The following CPXM2 variants were observed in gnomAD, a reference collection of about 807,000 sequenced individuals.
CPXM2 encodes inactive carboxypeptidase-like protein X2.
A neutral mutation model predicts 86.1 loss-of-function variants in CPXM2; 66 were observed. The ratio of observed to expected loss-of-function variants is 0.77; its 90% CI spans 0.63 to 0.94. The LOEUF is 0.94. Ranked by LOEUF, CPXM2 falls within the 40% of genes least tolerant of loss-of-function variation. The pLI is 0.00. For missense variants in CPXM2, 948 were observed against 1,026.3 expected (o/e 0.92, Z 1.04); for synonymous variants, 388 against 400.2 (o/e 0.97, Z 0.36).
chr10:123,818,768 G>A (rs532587515), intron 4 of CPXM2, among the ~76,000 whole-genome samples: 1 of 152,226 alleles, frequency 6.6e-6, no homozygotes, highest in East Asian at 1.9e-4. Flanking sequence ...CAGTTACAAC[G>A]CCAACTCAGT....
intron 4 of CPXM2, among the ~76,000 whole-genome samples, chr10:123,806,814 A>C (rs1250116017): frequency 1.3e-5 from 2 of 152,120 alleles, no homozygotes; most frequent in African/African-American, 4.8e-5. Context: ...CACTATCATG[A>C]GAACAGCATG....
chr10:123,895,237 C>T (rs1415845280), upstream of CPXM2, among the ~76,000 whole-genome samples: 1 of 149,460 alleles, frequency 6.7e-6, no homozygotes, highest in Non-Finnish European at 1.5e-5. Flanking sequence ...AGTTCTCCTG[C>T]CACAGCCTCC....
At chr10:123,837,426 A>G (rs1848303146) in intron 4 of CPXM2, among the ~76,000 whole-genome samples, 1 of 152,250 alleles carries the variant, frequency 6.6e-6, no homozygotes, top group Admixed American at 6.5e-5. Flanking sequence ...CATTTTGTCG[A>G]TTAAAGAGTT....
At chr10:123,831,129 C>G (rs1291016644) in intron 4 of CPXM2, among the ~76,000 whole-genome samples, 1 of 152,156 alleles carries the variant, frequency 6.6e-6, no homozygotes, top group Non-Finnish European at 1.5e-5. Context: ...GCAAAAATAT[C>G]TATCAGGCAG....
chr10:123,822,496 G>C (rs1847949030), intron 4 of CPXM2, among the ~76,000 whole-genome samples: 1 of 152,018 alleles, frequency 6.6e-6, no homozygotes, highest in African/African-American at 2.4e-5. Flanking sequence ...TTGTGATATT[G>C]TTCAAAGGAG....
intron 7 of CPXM2, among the ~76,000 whole-genome samples, chr10:123,779,601 A>G (rs1342841561): frequency 6.6e-6 from 1 of 152,204 alleles, no homozygotes. Flanking sequence ...CTCAATTATC[A>G]GTAGCTTCAC....
intron 6 of CPXM2, among the ~76,000 whole-genome samples, chr10:123,783,006 A>G (rs1846969508): frequency 6.6e-6 from 1 of 152,380 alleles, no homozygotes; most frequent in South Asian, 2.1e-4. Context: ...ATGCATTAGC[A>G]TGCTAAAGAC....
chr10:123,795,063 C>A (rs573095767), intron 6 of CPXM2, among the ~76,000 whole-genome samples: 1 of 152,174 alleles, frequency 6.6e-6, no homozygotes, highest in South Asian at 2.1e-4. Context: ...AGCCACCATG[C>A]CCTGCCAAAT....
chr10:123,888,373 C>G (rs1315106175), intron 1 of CPXM2, among the ~76,000 whole-genome samples: 1 of 152,184 alleles, frequency 6.6e-6, no homozygotes, highest in African/African-American at 2.4e-5. Flanking sequence ...GAACCCCTCA[C>G]TCCCACCTCA....
At chr10:123,816,865 T>C (rs1415060861) in intron 4 of CPXM2, among the ~76,000 whole-genome samples, 1 of 152,250 alleles carries the variant, frequency 6.6e-6, no homozygotes, top group Non-Finnish European at 1.5e-5. Context: ...ATCCATTACA[T>C]TGATGACATG....
At chr10:123,778,039 C>T (rs954625300) in intron 7 of CPXM2, among the ~76,000 whole-genome samples, 2 of 152,128 alleles carry the variant, frequency 1.3e-5, no homozygotes, top group African/African-American at 4.8e-5. Flanking sequence ...TTTCTCCTTC[C>T]TCTCCTCCTC....
chr10:123,903,060 C>T (rs1945398767), intron 2 of CPXM2, among the ~76,000 whole-genome samples: 3 of 152,348 alleles, frequency 2.0e-5, no homozygotes, highest in Non-Finnish European at 2.9e-5. Context: ...AACGCCTCCT[C>T]CTGGGGGAGC....
intron 13 of CPXM2, chr10:123,751,139 G>A (rs1385506446): frequency 2.4e-6 from 2 of 842,694 alleles, no homozygotes; most frequent in Admixed American, 6.2e-5. Flanking sequence ...CAGGTATTTT[G>A]CCTGAGCGTG....
At chr10:123,863,385 CGA>C (rs1368970724) in intron 2 of CPXM2, among the ~76,000 whole-genome samples, 1 of 152,144 alleles carries the variant, frequency 6.6e-6, no homozygotes, top group East Asian at 1.9e-4. Flanking sequence ...GGCCATGCAG[CGA>C]GAGGGGGCCA....
chr10:123,784,077 G>A (rs189441694), intron 6 of CPXM2, among the ~76,000 whole-genome samples: 2 of 152,130 alleles, frequency 1.3e-5, no homozygotes, highest in Non-Finnish European at 2.9e-5. Context: ...CCCAGTGCTT[G>A]AGAGTGTGAC....
At chr10:123,858,307 C>T (rs777167786) in intron 3 of CPXM2, among the ~76,000 whole-genome samples, 3 of 152,310 alleles carry the variant, frequency 2.0e-5, no homozygotes, top group South Asian at 2.1e-4. Context: ...GTGCAGACAC[C>T]GCGCTCACAC....
intron 8 of CPXM2, 21 bp from the exon 9 acceptor site, chr10:123,768,743 A>G (rs764754854): frequency 6.2e-7 from 1 of 1,602,228 alleles, no homozygotes; most frequent in African/African-American, 1.3e-5. Context: ...AGACAGAGAG[A>G]AGCACAGGTT....
intron 2 of CPXM2, among the ~76,000 whole-genome samples, chr10:123,931,790 A>G (rs965811376): frequency 6.6e-6 from 1 of 152,218 alleles, no homozygotes; most frequent in Non-Finnish European, 1.5e-5. Context: ...ATAAAATGGG[A>G]GAGTAAACCA....
At chr10:123,835,453 A>G (rs1204760713) in intron 4 of CPXM2, among the ~76,000 whole-genome samples, 6 of 152,218 alleles carry the variant, frequency 3.9e-5, no homozygotes, top group African/African-American at 1.2e-4. Context: ...GCTGAAACTT[A>G]ACATAAAATG....
Sources: allele counts gnomAD v4.1 joint callset (sites outside exome capture counted in the v4.1 genomes callset), GRCh38; gene constraint gnomAD v4.1.1; transcripts MANE v1.5; gene names NCBI Gene and HGNC (gene_info 2026-07-23, HGNC 2026-07-21).